Variants in CACNA1E observed in about 807,000 individuals in gnomAD.
CACNA1E encodes the protein voltage-dependent R-type calcium channel subunit alpha-1E.
In CACNA1E, 40 loss-of-function variants were observed where a neutral mutation model predicts 259.2. The ratio of observed to expected loss-of-function variants is 0.15; its 90% CI spans 0.12 to 0.20. The LOEUF (loss-of-function observed/expected upper bound fraction) is 0.20, where lower values mean the gene tolerates loss of function less well. CACNA1E is among the 10% of genes least tolerant of loss of function. The pLI is 1.00. For missense variants in CACNA1E, 1,874 were observed against 3,040.1 expected (o/e 0.62, Z 9.02); for synonymous variants, 1,104 against 1,138.5 (o/e 0.97, Z 0.61).
intron 7 of CACNA1E, among the ~76,000 whole-genome samples, chr1:181,706,128 C>T (rs769885209): frequency 1.3e-5 from 2 of 152,148 alleles, no homozygotes; most frequent in Non-Finnish European, 2.9e-5. Flanking sequence ...TATGAACACT[C>T]TTCTTCTATA....
At chr1:181,392,586 C>T (rs1394974718) in intron 1 of CACNA1E, among the ~76,000 whole-genome samples, 1 of 152,200 alleles carries the variant, frequency 6.6e-6, no homozygotes, top group Non-Finnish European at 1.5e-5. Context: ...GCCTGACCAA[C>T]ATCTGTGGAA....
chr1:181,334,826 G>T (rs555771341), intron 1 of CACNA1E, among the ~76,000 whole-genome samples: 1 of 152,258 alleles, frequency 6.6e-6, no homozygotes, highest in East Asian at 1.9e-4. Context: ...TCACTCCTCT[G>T]CCTGAAACCA....
rs375603457 is a variant in CACNA1E at position 181,689,950 on chromosome 1, C to A, written c.1056-21004C>A. On this transcript the variant is annotated intron_variant, in intron 7 of 47. Coordinates refer to ENST00000367573, the MANE Select transcript of CACNA1E (RefSeq NM_001205293.3). ...TGCCTGTTCACTCTGATGATAGTTT[C>A]TTTTGCTGTGCAGGAACTCTTTAGT... 1.6e-4 allele frequency among the ~76,000 whole-genome samples: 25 copies of A among 152,214 alleles called. No individual in the cohort carries two copies. The South Asian group carries it at 3.5e-3, about 21-fold the overall frequency.
At chr1:181,470,661 G>A (rs1662447282) in intron 2 of CACNA1E, among the ~76,000 whole-genome samples, 1 of 152,146 alleles carries the variant, frequency 6.6e-6, no homozygotes. Context: ...CCATAGCCTT[G>A]ATGGCCAAGT....
intron 2 of CACNA1E, among the ~76,000 whole-genome samples, chr1:181,475,587 T>C (rs1662788485): frequency 6.6e-6 from 1 of 152,214 alleles, no homozygotes; most frequent in Admixed American, 6.5e-5. Flanking sequence ...CGTTTGTTTA[T>C]GTACCTCATA....
chr1:181,713,826 A>T (rs1011086606), intron 8 of CACNA1E, among the ~76,000 whole-genome samples: 3 of 152,112 alleles, frequency 2.0e-5, no homozygotes, highest in Non-Finnish European at 4.4e-5. Flanking sequence ...ATGCACTTGG[A>T]GGGATGCTAG....
At chr1:181,593,855 G>T (rs767210082) in intron 6 of CACNA1E, among the ~76,000 whole-genome samples, 1 of 152,172 alleles carries the variant, frequency 6.6e-6, no homozygotes, top group Non-Finnish European at 1.5e-5. Flanking sequence ...CTTAACCTTT[G>T]CAAGTGTTAG....
Position 181,511,713 on chromosome 1 carries a change from G to A in CACNA1E, c.512+203G>A, listed in dbSNP as rs1232659818. The stretch of plus-strand genomic sequence containing the variant: ...GAGGATGAGTACTGTGTGGAGATGC[G>A]TGTGGTGTTAGGCAGAGGCCATGGG... On this transcript the variant is annotated intron_variant, in intron 3 of 47. Coordinates refer to ENST00000367573, the MANE Select transcript of CACNA1E (RefSeq NM_001205293.3). Among the ~76,000 whole-genome samples the A allele has an allele frequency of 3.9e-5, 6 of 152,244 alleles. No individual in the cohort carries two copies. In the East Asian group the frequency reaches 5.8e-4, roughly 15 times the overall value.
At chr1:181,585,012 C>T (rs1209967125) in intron 6 of CACNA1E, among the ~76,000 whole-genome samples, 1 of 140,700 alleles carries the variant, frequency 7.1e-6, no homozygotes, top group East Asian at 1.9e-4. Flanking sequence ...ATAAACTGGT[C>T]CCCCCCCCTG....
chr1:181,671,862 T>C (rs1217752475), intron 7 of CACNA1E, among the ~76,000 whole-genome samples: 1 of 152,224 alleles, frequency 6.6e-6, no homozygotes, highest in African/African-American at 2.4e-5. Context: ...AACTACCATT[T>C]GACCCAGCAT....
intron 3 of CACNA1E, among the ~76,000 whole-genome samples, chr1:181,520,259 G>A (rs1377885506): frequency 6.6e-6 from 1 of 152,032 alleles, no homozygotes; most frequent in African/African-American, 2.4e-5. Flanking sequence ...GGAGAGATTG[G>A]CCCTTTAATT....
At position 181,415,216 on chromosome 1, in the gene CACNA1E, C is replaced by T. The variant is rs191547219; in HGVS notation, c.434+1636C>T. Among the ~76,000 whole-genome samples, 5 of 152,302 alleles carry T rather than the reference C, an allele frequency of 3.3e-5. No individual in the cohort carries two copies. In the East Asian group the frequency reaches 9.6e-4, roughly 29 times the overall value. On this transcript the variant is annotated intron_variant, in intron 2 of 11. Coordinates refer to the CACNA1E transcript ENST00000524607. ...ACTCAATGCCTATCATCTGGCCTAA[C>T]CCAAAAAATCCCACAATACTCAATG...
chr1:181,450,100 T>C (rs775293115), intron 2 of CACNA1E, among the ~76,000 whole-genome samples: 19 of 152,156 alleles, frequency 1.2e-4, no homozygotes, highest in Non-Finnish European at 1.8e-4. Flanking sequence ...GCATGTCTTA[T>C]GTGGCTGCAA....
intron 6 of CACNA1E, among the ~76,000 whole-genome samples, chr1:181,640,490 C>A (rs2101996975): frequency 6.6e-6 from 1 of 152,294 alleles, no homozygotes; most frequent in Non-Finnish European, 1.5e-5. Flanking sequence ...TGTCCTGGGG[C>A]TTCTTCAGGA....
intron 6 of CACNA1E, among the ~76,000 whole-genome samples, chr1:181,631,092 C>G (rs915176756): frequency 2.0e-5 from 3 of 152,222 alleles, no homozygotes; most frequent in Non-Finnish European, 4.4e-5. Context: ...ACAAACAAAC[C>G]TGGCCTGACG....
At chr1:181,494,201 T>C (rs1447268345) in intron 1 of CACNA1E, among the ~76,000 whole-genome samples, 1 of 152,220 alleles carries the variant, frequency 6.6e-6, no homozygotes, top group Non-Finnish European at 1.5e-5. Context: ...TTAGTATTGG[T>C]TTAAAATCCC....
At chr1:181,617,459 C>T (rs1222819396) in intron 6 of CACNA1E, among the ~76,000 whole-genome samples, 1 of 152,192 alleles carries the variant, frequency 6.6e-6, no homozygotes, top group Admixed American at 6.5e-5. Flanking sequence ...CATCAGGAAT[C>T]TGAGTTTGTC....
At chr1:181,661,298 A>G (rs1359774848) in intron 7 of CACNA1E, among the ~76,000 whole-genome samples, 1 of 152,216 alleles carries the variant, frequency 6.6e-6, no homozygotes, top group East Asian at 1.9e-4. Flanking sequence ...ACTGGAAGCA[A>G]ACAGAGAGGA....
chr1:181,627,446 T>A (rs1656303363), intron 6 of CACNA1E, among the ~76,000 whole-genome samples: 1 of 152,160 alleles, frequency 6.6e-6, no homozygotes. Context: ...CTGAGAGGGA[T>A]CCTCCTTAGG....
Sources: gnomAD v4.1 joint callset for allele counts (sites outside exome capture counted in the v4.1 genomes callset) on GRCh38, gnomAD v4.1.1 for gene constraint, MANE v1.5 for transcripts, NCBI Gene and HGNC (gene_info 2026-07-23, HGNC 2026-07-21) for gene names.